Variants in NOS1AP observed in about 807,000 individuals in gnomAD.
NOS1AP encodes nitric oxide synthase 1 adaptor protein.
In NOS1AP, 21 loss-of-function variants were observed where a neutral mutation model predicts 56.2. The observed-to-expected ratio is 0.37, with a 90% CI of 0.26 to 0.54. The LOEUF is 0.54. Among genes scored for constraint, NOS1AP ranks in the 20% least tolerant of loss-of-function variants. NOS1AP has a pLI of 0.84. For missense variants in NOS1AP, 522 were observed against 657.8 expected (o/e 0.79, Z 2.26); for synonymous variants, 270 against 274.6 (o/e 0.98, Z 0.17).
intron 4 of NOS1AP, among the ~76,000 whole-genome samples, chr1:162,323,596 T>C (rs1236165260): frequency 6.6e-6 from 1 of 152,238 alleles, no homozygotes; most frequent in Non-Finnish European, 1.5e-5. Context: ...ACCTGACAGA[T>C]GGTAAACACA....
intron 2 of NOS1AP, among the ~76,000 whole-genome samples, chr1:162,224,167 G>GA (rs541253703): frequency 2.0e-3 from 275 of 139,390 alleles, no homozygotes; most frequent in South Asian, 5.4e-3. Context: ...TTTGGGGACA[G>GA]AAAAAAAAAA....
At chr1:162,186,213 T>G (rs1285299375) in intron 2 of NOS1AP, among the ~76,000 whole-genome samples, 2 of 152,198 alleles carry the variant, frequency 1.3e-5, no homozygotes, top group African/African-American at 4.8e-5. Flanking sequence ...TGCATGTCAC[T>G]GGCAGAAATC....
intron 2 of NOS1AP, among the ~76,000 whole-genome samples, chr1:162,283,104 CTG>C (rs369814579): frequency 0.03 from 3,666 of 122,364 alleles, 153 homozygotes; most frequent in African/African-American, 0.097. Flanking sequence ...CTCTCTCTCT[CTG>C]TGTGTGTGTG....
chr1:162,259,753 C>T lies in NOS1AP; in HGVS notation c.178-27591C>T, dbSNP rs564387489. ...ACATGTGCATTGTAGAGTTGCAGATCTTATTTTTAAGAAAAGTTAAATTTC... is the reference window on the plus strand; with the variant it reads ...ACATGTGCATTGTAGAGTTGCAGATTTTATTTTTAAGAAAAGTTAAATTTC... On this transcript the variant is annotated intron_variant, in intron 2 of 9. Transcript: ENST00000361897. Among the ~76,000 whole-genome samples the T allele has an allele frequency of 5.1e-4, 78 of 152,124 alleles. 1 individual carries two copies. The highest frequency in any genetic ancestry group is 3.4e-3 in the Middle Eastern group (1 of 294).
chr1:162,241,943 C>T (rs1475062047), intron 2 of NOS1AP, among the ~76,000 whole-genome samples: 1 of 152,182 alleles, frequency 6.6e-6, no homozygotes, highest in Non-Finnish European at 1.5e-5. Flanking sequence ...TAACCACAAT[C>T]CCATGAAAGT....
intron 2 of NOS1AP, among the ~76,000 whole-genome samples, chr1:162,221,900 C>T (rs1219007534): frequency 6.6e-6 from 1 of 152,096 alleles, no homozygotes; most frequent in Non-Finnish European, 1.5e-5. Context: ...TATGCAGACA[C>T]CTGTACTCCA....
intron 2 of NOS1AP, among the ~76,000 whole-genome samples, chr1:162,253,147 G>A (rs1169354803): frequency 6.6e-6 from 1 of 152,154 alleles, no homozygotes; most frequent in African/African-American, 2.4e-5. Flanking sequence ...TGGAGGGAGT[G>A]GGTTTGTTGT....
intron 2 of NOS1AP, among the ~76,000 whole-genome samples, chr1:162,239,599 G>A (rs141023307): frequency 1.9e-4 from 29 of 152,304 alleles, no homozygotes; most frequent in African/African-American, 6.7e-4. Context: ...CCTGCTGTAT[G>A]CCAAGTGCTG....
intron 2 of NOS1AP, among the ~76,000 whole-genome samples, chr1:162,179,201 C>G (rs1651169842): frequency 6.6e-6 from 1 of 152,030 alleles, no homozygotes; most frequent in African/African-American, 2.4e-5. Flanking sequence ...ATGTTACACC[C>G]TTTTTTAGTT....
chr1:162,300,837 T>C, intron 4 of NOS1AP, 131 bp downstream of exon 4: 1 of 743,710 alleles, frequency 1.3e-6, no homozygotes, highest in South Asian at 1.5e-5. Context: ...CTGAGACCTG[T>C]TGCTTCCATT....
intron 9 of NOS1AP, among the ~76,000 whole-genome samples, chr1:162,366,527 T>A (rs527940867): frequency 6.6e-6 from 1 of 152,246 alleles, no homozygotes; most frequent in South Asian, 2.1e-4. Flanking sequence ...TAAAAATGCG[T>A]CTTTCCTACT....
At chr1:162,250,608 G>A (rs1416055115) in intron 2 of NOS1AP, among the ~76,000 whole-genome samples, 1 of 152,146 alleles carries the variant, frequency 6.6e-6, no homozygotes, top group East Asian at 1.9e-4. Context: ...AGGGGAAAGT[G>A]GGGTGGGGTA....
At chr1:162,184,477 C>A (rs909202426) in intron 2 of NOS1AP, among the ~76,000 whole-genome samples, 4 of 152,124 alleles carry the variant, frequency 2.6e-5, no homozygotes, top group Non-Finnish European at 4.4e-5. Flanking sequence ...AACAAAAAAA[C>A]CCCAATATCT....
chr1:162,133,145 G>A (rs533469601), intron 1 of NOS1AP, among the ~76,000 whole-genome samples: 1 of 152,332 alleles, frequency 6.6e-6, no homozygotes, highest in Admixed American at 6.5e-5. Context: ...TTTTCCAGGT[G>A]TGTGCTTATT....
chr1:162,134,689 T>C (rs1273806601), intron 1 of NOS1AP, among the ~76,000 whole-genome samples: 2 of 152,096 alleles, frequency 1.3e-5, no homozygotes, highest in Non-Finnish European at 2.9e-5. Context: ...CTCCCAGATA[T>C]CCTCTCCTCC....
intron 2 of NOS1AP, among the ~76,000 whole-genome samples, chr1:162,237,151 T>TGAAA: frequency 6.6e-6 from 1 of 152,196 alleles, no homozygotes; most frequent in Admixed American, 6.5e-5. Flanking sequence ...ATCAAGTCTT[T>TGAAA]TCAAGAGCTT....
intron 4 of NOS1AP, among the ~76,000 whole-genome samples, chr1:162,327,480 T>A (rs1457889984): frequency 6.6e-6 from 1 of 152,190 alleles, no homozygotes; most frequent in Non-Finnish European, 1.5e-5. Flanking sequence ...TACCAACTAG[T>A]GAATTTGTCA....
chr1:162,358,651 C>T (rs1264161612), intron 8 of NOS1AP, among the ~76,000 whole-genome samples: 1 of 152,192 alleles, frequency 6.6e-6, no homozygotes, highest in African/African-American at 2.4e-5. Flanking sequence ...CCTAGTGTGA[C>T]AGTTGACAGG....
intron 2 of NOS1AP, among the ~76,000 whole-genome samples, chr1:162,206,317 T>C (rs1026465703): frequency 6.6e-6 from 1 of 152,200 alleles, no homozygotes; most frequent in Non-Finnish European, 1.5e-5. Context: ...GATTTGACTC[T>C]ATGGGTTAGT....
Sources: allele counts gnomAD v4.1 joint callset (sites outside exome capture counted in the v4.1 genomes callset), GRCh38; gene constraint gnomAD v4.1.1; transcripts MANE v1.5; gene names NCBI Gene and HGNC (gene_info 2026-07-23, HGNC 2026-07-21).